The following ANO9 variants were observed in gnomAD, a reference collection of about 807,000 sequenced individuals.
The protein encoded by ANO9 is anoctamin-9.
In ANO9, 80 loss-of-function variants were observed where a neutral mutation model predicts 100.5. The observed-to-expected ratio is 0.80, with a 90% CI of 0.66 to 0.96. The LOEUF is 0.96. Among genes scored for constraint, ANO9 ranks in the 40% least tolerant of loss-of-function variants. The probability of loss-of-function intolerance (pLI) is 0.00; values close to 1 mark genes in which losing one functional copy is unlikely to be tolerated. For synonymous variants in ANO9, 473 were observed against 435.6 expected (o/e 1.09, Z -1.07); for missense variants, 1,064 against 1,072.7 (o/e 0.99, Z 0.11).
rs1418945661 is a variant in ANO9, at chr11:432,267, G to A, written c.351-213C>T. ...GCTCCCAGGGCCTGGCCTGCCCCAC[G>A]GCGTCCAGGATGAGGCTGGGCTGGG... On this transcript the variant is annotated intron_variant, in intron 4 of 22. Transcript: ENST00000332826. This position sits in a 1 kb window ranked among gnomAD's most constrained non-coding sequence, Gnocchi z 4.8. 8 of 573,354 alleles carry A rather than the reference G, an allele frequency of 1.4e-5. No homozygotes were observed. Among genetic ancestry groups the A allele is most frequent in the African/African-American group, 1.1e-4 (6 of 52,930 alleles). The allele number at this position is 573,354 out of a possible 1,614,324, so 35.5% of individuals were successfully genotyped here.
intron 1 of ANO9, among the ~76,000 whole-genome samples, chr11:439,960 G>C (rs1009027844): frequency 1.3e-5 from 2 of 152,256 alleles, no homozygotes; most frequent in African/African-American, 2.4e-5. Context: ...GTGGACGCAG[G>C]GGCGGGGGCC....
intron 21 of ANO9, 23 bp from the exon 22 acceptor site, chr11:418,836 G>C: frequency 6.2e-7 from 1 of 1,613,524 alleles, no homozygotes; most frequent in Non-Finnish European, 8.5e-7. Context: ...AGTACCTGAG[G>C]TCAGGGGTCA....
chr11:432,033 G>A lies in ANO9; in HGVS notation c.372C>T (p.Asn124=). The stretch of plus-strand genomic sequence containing the variant: ...AGGTCTTGTTGTTCATGACAACGAA[G>A]TTCACGATTCGGATTCTGAGACTCA... The part of the protein sequence containing the change: ...VTTSLRIRIV[N]FVVMNNKTSA... The change falls in exon 5 of 23, where the codon AAC becomes AAT. Residue 124 remains asparagine (N), a synonymous_variant. Coordinates refer to ENST00000332826, the MANE Select transcript of ANO9 (RefSeq NM_001012302.3). The surrounding 1 kb of genome is among the most constrained non-coding windows in gnomAD (Gnocchi z 4.8). The A allele has an allele frequency of 1.2e-6, 2 of 1,613,016 alleles. No individual in the cohort carries two copies. Among genetic ancestry groups the A allele is most frequent in the Middle Eastern group, 1.7e-4 (1 of 6,058 alleles).
chr11:423,900 C>G (rs1195975846), intron 15 of ANO9, among the ~76,000 whole-genome samples: 3 of 151,466 alleles, frequency 2.0e-5, no homozygotes, highest in Non-Finnish European at 2.9e-5. Context: ...CACACACACA[C>G]ACACACACAC....
chr11:429,863 G>A, intron 9 of ANO9, 45 bp from the exon 10 acceptor site: 1 of 1,534,230 alleles, frequency 6.5e-7, no homozygotes, highest in South Asian at 1.2e-5. Context: ...GGTGAGCTGG[G>A]GAGGGGGGCA....
chr11:434,083 G>A lies in ANO9; in HGVS notation c.22C>T (p.Arg8Trp), dbSNP rs1406807973. 43 of 1,550,568 alleles carry A rather than the reference G, an allele frequency of 2.8e-5. 1 individual carries two copies. The highest frequency in any genetic ancestry group is 1.3e-4 in the South Asian group (11 of 84,072). The change falls in exon 2 of 23, where the codon CGG (arginine) becomes TGG (tryptophan). Residue 8 changes from arginine (R) to tryptophan (W), a missense_variant. Coordinates refer to ENST00000332826, the MANE Select transcript of ANO9 (RefSeq NM_001012302.3). ...TCCCCTTCGGGCTCCACCAGGATCC[G>A]GAGGCTCTCTTCGCCCTGGGGGTTT... MQGEESL[R>W]ILVEPEGDSF...
At position 430,407 on chromosome 11, in the gene ANO9, C is replaced by A. The variant is rs200468100; in HGVS notation, c.540-4G>T. On this transcript the variant is annotated splice_polypyrimidine_tract_variant and splice_region_variant and intron_variant, in intron 7 of 22. Transcript: ENST00000332826. ...CACCTTTTCCCCAAAGTAGTTCCTG[C>A]AGGCAGCAGGGGTCAAGGCCAGCTG... is the stretch of plus-strand genomic sequence containing the variant. 2.0e-6 allele frequency: 3 copies of A among 1,513,596 alleles called. No homozygotes were observed. Among genetic ancestry groups the A allele is most frequent in the Non-Finnish European group, 2.7e-6 (3 of 1,123,238 alleles). 93.8% of individuals were successfully genotyped at this position (1,513,596 alleles called of 1,614,324 possible). A position where few individuals can be genotyped will look rare whatever the true frequency, so the allele number is the denominator to read the frequency against.
In ANO9 at chr11:432,098, C is replaced by A. The variant is rs375407248; in HGVS notation, c.351-44G>T. On this transcript the variant is annotated intron_variant, in intron 4 of 22. Coordinates refer to ENST00000332826, the MANE Select transcript of ANO9 (RefSeq NM_001012302.3). This position sits in a 1 kb window ranked among gnomAD's most constrained non-coding sequence, Gnocchi z 4.8. ...GTGGCCCCGTGTGACCACAGTGGAC[C>A]CTGCCTCCAGGTCTCAACCTGCCCT... The A allele has an allele frequency of 6.2e-7, 1 of 1,607,816 alleles. No individual in the cohort carries two copies. Among genetic ancestry groups the A allele is most frequent in the East Asian group, 2.2e-5 (1 of 44,842 alleles).
Position 429,741 on chromosome 11 carries a change from G to A in ANO9, c.832+17C>T, listed in dbSNP as rs145037462. On this transcript the variant is annotated intron_variant, in intron 10 of 22. Transcript: ENST00000332826. The stretch of plus-strand genomic sequence containing the variant: ...GCACTTCCCCTGGCCCCGCAGAGGC[G>A]TCCCGCAGCAACTCACCCCAGAGAG... 6.1e-4 allele frequency: 990 copies of A among 1,611,456 alleles called. 8 individuals are homozygous for A. Among genetic ancestry groups the A allele is most frequent in the South Asian group, 5.9e-3 (534 of 91,018 alleles).
At chr11:439,355 G>A (rs1336121254) in intron 1 of ANO9, among the ~76,000 whole-genome samples, 1 of 139,684 alleles carries the variant, frequency 7.2e-6, no homozygotes, top group African/African-American at 2.8e-5. Flanking sequence ...GGGCTGGAGT[G>A]TGAGGACAGA....
rs149112181 is a variant in ANO9, at chr11:435,050, C to T, written c.7-952G>A. On this transcript the variant is annotated intron_variant, in intron 1 of 22. Coordinates refer to ENST00000332826, the MANE Select transcript of ANO9 (RefSeq NM_001012302.3). ...TAAAATAGAGGCCACCCAGTCACAC[C>T]TGATTTCCAGATAAACAGCAGAAGG... Among the ~76,000 whole-genome samples the T allele has an allele frequency of 4.3e-3, 649 of 152,258 alleles. 3 individuals are homozygous for T. The highest frequency in any genetic ancestry group is 0.015 in the African/African-American group (631 of 41,532).
intron 1 of ANO9, among the ~76,000 whole-genome samples, chr11:438,927 C>T (rs1365044559): frequency 2.0e-5 from 3 of 151,896 alleles, no homozygotes; most frequent in African/African-American, 7.2e-5. Flanking sequence ...GCTGTCCCTA[C>T]ACACTCAGTC....
rs765043867 is a variant in ANO9 at position 429,745 on chromosome 11, C to T, written c.832+13G>A. On this transcript the variant is annotated intron_variant, in intron 10 of 22. Transcript: ENST00000332826. ...TTCCCCTGGCCCCGCAGAGGCGTCC[C>T]GCAGCAACTCACCCCAGAGAGCCAT... is the stretch of plus-strand genomic sequence containing the variant. 48 of 1,611,306 alleles carry T rather than the reference C, an allele frequency of 3.0e-5. 1 individual carries two copies. Among genetic ancestry groups the T allele is most frequent in the Non-Finnish European group, 3.5e-5 (41 of 1,179,070 alleles).
Position 428,596 on chromosome 11 carries a change from C to CGGTAGACCACCAGGACGT in ANO9, c.1046_1063dup (p.His349_Tyr354dup). On this transcript the variant is annotated inframe_insertion, in exon 13 of 23. Coordinates refer to ENST00000332826, the MANE Select transcript of ANO9 (RefSeq NM_001012302.3). The stretch of plus-strand genomic sequence containing the variant: ...GCTGAAGAGCGCGGAGGCCAGGACG[C>CGGTAGACCACCAGGACGT]GGTAGACCACCAGGACGTGGGCCAT... 1.2e-6 allele frequency: 2 copies of CGGTAGACCACCAGGACGT among 1,612,446 alleles called. No individual in the cohort carries two copies. The highest frequency in any genetic ancestry group is 1.7e-6 in the Non-Finnish European group (2 of 1,179,814).
chr11:418,307 C>A lies in ANO9; in HGVS notation c.*64G>T. ...ACCCCTCAACACGCACAGCGGTGGGCTTGTGGGAGGTGCTGGTGGTGGCAC... is the reference window on the plus strand; with the variant it reads ...ACCCCTCAACACGCACAGCGGTGGGATTGTGGGAGGTGCTGGTGGTGGCAC... On this transcript the variant is annotated 3_prime_UTR_variant, in exon 23 of 23. Coordinates refer to ENST00000332826, the MANE Select transcript of ANO9 (RefSeq NM_001012302.3). 1 of 1,443,936 alleles carries A rather than the reference C, an allele frequency of 6.9e-7. No individual in the cohort carries two copies. The allele number at this position is 1,443,936 out of a possible 1,614,324, so 89.4% of individuals were successfully genotyped here.
At position 420,467 on chromosome 11, in the gene ANO9, G is replaced by A; in HGVS notation, c.1782C>T (p.Asp594=). 1.2e-6 allele frequency: 2 copies of A among 1,602,276 alleles called. No homozygotes were observed. Among genetic ancestry groups the A allele is most frequent in the Non-Finnish European group, 1.7e-6 (2 of 1,179,374 alleles). ...CCTGCGCCCGCCCGGTCTGACCGATGTCCTTGGCCTTGCGCGGCACCAGGC... is the reference window on the plus strand; with the variant it reads ...CCTGCGCCCGCCCGGTCTGACCGATATCCTTGGCCTTGCGCGGCACCAGGC... ...QRRLVPRKAK[D]IGTWLQVLET... Residue 594 remains aspartate, a synonymous_variant, in exon 19 of 23, where the codon GAC becomes GAT. Transcript: ENST00000332826.
chr11:418,490 G>A lies in ANO9; in HGVS notation c.2230C>T (p.Arg744Cys), dbSNP rs371258677. The A allele has an allele frequency of 3.2e-5, 51 of 1,613,010 alleles. No individual in the cohort carries two copies. The highest frequency in any genetic ancestry group is 8.0e-5 in the African/African-American group (6 of 74,934). ...KVLEVKYQRLREKMWHGRQRL... is the reference protein window; with the variant it reads ...KVLEVKYQRLCEKMWHGRQRL... ...TGCCTTCCATGCCACATCTTCTCAC[G>A]CAGCCTCTGGTACTTCACCTCCAGA... The change falls in exon 23 of 23, where the codon CGT becomes TGT. Residue 744 changes from arginine to cysteine, a missense_variant. By Grantham distance (180) the Arg-to-Cys change is radical (BLOSUM62 -3). Transcript: ENST00000332826.
rs1445983840 is a variant in ANO9, at chr11:432,999, G to T, written c.350+315C>A. On this transcript the variant is annotated intron_variant, in intron 4 of 22. Transcript: ENST00000332826. The surrounding 1 kb of genome is among the most constrained non-coding windows in gnomAD (Gnocchi z 4.8). ...TCAAGAGACACTGGCCTTGATCCAG[G>T]AGGGGCCCCTGGGCCTCTGCAAATC... 1 of 365,994 alleles carries T rather than the reference G, an allele frequency of 2.7e-6. No individual in the cohort carries two copies. Among genetic ancestry groups the T allele is most frequent in the East Asian group, 5.0e-5 (1 of 20,026 alleles). 22.7% of individuals were successfully genotyped at this position (365,994 alleles called of 1,614,324 possible). A position where few individuals can be genotyped will look rare whatever the true frequency, so the allele number is the denominator to read the frequency against.
intron 15 of ANO9, among the ~76,000 whole-genome samples, chr11:424,990 G>A (rs1848408979): frequency 6.9e-6 from 1 of 144,050 alleles, no homozygotes. Flanking sequence ...AGGAAAAGGC[G>A]GCGGGGAGAC....
Sources: allele counts gnomAD v4.1 joint callset (sites outside exome capture counted in the v4.1 genomes callset), GRCh38; gene constraint gnomAD v4.1.1; non-coding constraint Gnocchi (gnomAD v3.1); transcripts MANE v1.5; gene names NCBI Gene and HGNC (gene_info 2026-07-23, HGNC 2026-07-21).